Variants in NDUFS1 observed in about 807,000 individuals in gnomAD.
NDUFS1 encodes the protein NADH:ubiquinone oxidoreductase core subunit S1, also known as NADH-ubiquinone oxidoreductase 75 kDa subunit, mitochondrial.
A neutral mutation model predicts 84.4 loss-of-function variants in NDUFS1; 61 were observed. The observed-to-expected ratio is 0.72, with a 90% CI of 0.59 to 0.89. The LOEUF (loss-of-function observed/expected upper bound fraction) is 0.89, where lower values mean the gene tolerates loss of function less well. NDUFS1 is among the 40% of genes least tolerant of loss of function. The pLI, the probability that NDUFS1 is intolerant of heterozygous loss-of-function variation, is 0.00. For missense variants in NDUFS1, 891 were observed against 890.0 expected, an observed-to-expected ratio of 1.00 and a Z score of -0.01; for synonymous variants, 275 against 290.0, an observed-to-expected ratio of 0.95 and a Z score of 0.53.
At chr2:206,130,483 T>G (rs13417836) in intron 14 of NDUFS1, among the ~76,000 whole-genome samples, 3 of 152,200 alleles carry the variant, frequency 2.0e-5, no homozygotes, top group Non-Finnish European at 2.9e-5. Context: ...GCCTCCCAAG[T>G]AGCTGGGACT....
At chr2:206,131,018 C>G (rs545920631) in intron 14 of NDUFS1, among the ~76,000 whole-genome samples, 3 of 152,076 alleles carry the variant, frequency 2.0e-5, no homozygotes, top group African/African-American at 7.2e-5. Flanking sequence ...ATATATATTA[C>G]TCTTATAAGC....
Position 206,153,660 on chromosome 2 carries a change from T to C in NDUFS1, c.19A>G (p.Arg7Gly). MLRIPV[R>G]KALVGLSKSP... ...TTAGAAAGGCCTACTAAGGCCTTTC[T>C]TACAGGTATCCTTAACATATTGCTA... Residue 7 changes from arginine to glycine, a missense_variant, in exon 2 of 19, where the codon AGA (arginine) becomes GGA (glycine). By Grantham distance (125) the Arg-to-Gly change is moderately radical (BLOSUM62 -2). Transcript: ENST00000233190. The C allele has an allele frequency of 6.5e-7, 1 of 1,537,958 alleles. No individual in the cohort carries two copies. The highest frequency in any genetic ancestry group is 9.0e-7 in the Non-Finnish European group (1 of 1,115,344).
In NDUFS1 at chr2:206,115,018, A is replaced by T. The variant is rs1016330944; in HGVS notation, c.*9167T>A. The T allele has an allele frequency of 6.6e-6, 1 of 152,150 alleles. No homozygotes were observed. Among genetic ancestry groups the T allele is most frequent in the Non-Finnish European group, 1.5e-5 (1 of 68,018 alleles). 9.4% of individuals were successfully genotyped at this position (152,150 alleles called of 1,614,324 possible). ...TTTCATTTTATGATTATACAAAAAA[A>T]TTTTTCAGCAGTTCCCTATTGATGG... is the stretch of plus-strand genomic sequence containing the variant. On this transcript the variant is annotated 3_prime_UTR_variant, in exon 19 of 19. Transcript: ENST00000233190.
chr2:206,119,148 T>C lies in NDUFS1; in HGVS notation c.*5037A>G, dbSNP rs970448405. The C allele has an allele frequency of 2.6e-5, 4 of 152,324 alleles. No homozygotes were observed. The highest frequency in any genetic ancestry group is 9.6e-5 in the African/African-American group (4 of 41,572). The allele number at this position is 152,324 out of a possible 1,614,324, so 9.4% of individuals were successfully genotyped here. ...AATAAGCTGGAGATTATTTTAGGCA[T>C]GGCTTTCCCTCATAGTCTATGAAAT... On this transcript the variant is annotated 3_prime_UTR_variant, in exon 19 of 19. Coordinates refer to ENST00000233190, the MANE Select transcript of NDUFS1 (RefSeq NM_005006.7).
intron 15 of NDUFS1, 137 bp downstream of exon 15, chr2:206,129,949 TAA>T: frequency 3.4e-6 from 3 of 884,224 alleles, no homozygotes; most frequent in Non-Finnish European, 5.4e-6. Context: ...GTGGTTTGTT[TAA>T]AAAAAAAGGA....
intron 15 of NDUFS1, 106 bp from the exon 16 acceptor site, chr2:206,128,078 A>T: frequency 5.5e-6 from 7 of 1,277,120 alleles, no homozygotes; most frequent in Non-Finnish European, 7.8e-6. Context: ...GTAAAGTCAC[A>T]AAAGTTTTTA....
Position 206,140,943 on chromosome 2 carries a change from T to TATACACACACAC in NDUFS1, c.1262+997_1262+998insGTGTGTGTGTAT, listed in dbSNP as rs367723817. Among the ~76,000 whole-genome samples, 266 of 136,104 alleles carry TATACACACACAC rather than the reference T, an allele frequency of 2.0e-3. 3 individuals carry two copies. The highest frequency in any genetic ancestry group is 1.1e-3 in the East Asian group (5 of 4,750). The allele number at this position is 136,104 out of a possible 152,430, so 89.3% of individuals were successfully genotyped here. A position where few individuals can be genotyped will look rare whatever the true frequency, so the allele number is the denominator to read the frequency against. Reference sequence around the variant, plus strand: ...GTGTGTATATATATATATATATATATACACACACACTGAGAATCATAATAC... The same window carrying TATACACACACAC: ...GTGTGTATATATATATATATATATATATACACACACACACACACACACTGAGAATCATAATAC... On this transcript the variant is annotated intron_variant, in intron 12 of 18. Coordinates refer to ENST00000233190, the MANE Select transcript of NDUFS1 (RefSeq NM_005006.7).
chr2:206,127,757 C>G (rs1335167431), intron 16 of NDUFS1, 40 bp downstream of exon 16: 3 of 1,596,774 alleles, frequency 1.9e-6, no homozygotes, highest in Non-Finnish European at 2.6e-6. Context: ...ATCAAATATG[C>G]CTTTAGTAGC....
chr2:206,147,488 T>A lies in NDUFS1; in HGVS notation c.551+43A>T, dbSNP rs182482028. ...TTCATCAAATTGTGACTATTAAGTATACAATTATATTCTATAATAGAAAAA... is the reference window on the plus strand; with the variant it reads ...TTCATCAAATTGTGACTATTAAGTAAACAATTATATTCTATAATAGAAAAA... On this transcript the variant is annotated intron_variant, in intron 7 of 18. Coordinates refer to ENST00000233190, the MANE Select transcript of NDUFS1 (RefSeq NM_005006.7). The A allele has an allele frequency of 1.1e-5, 17 of 1,552,124 alleles. No homozygotes were observed. In the Admixed American group the frequency reaches 1.8e-4, roughly 16 times the overall value.
chr2:206,118,064 T>A lies in NDUFS1; in HGVS notation c.*6121A>T, dbSNP rs541616767. On this transcript the variant is annotated 3_prime_UTR_variant, in exon 19 of 19. Transcript: ENST00000233190. ...ATACATTGCCATTTTCAACATATGC[T>A]TTTAGTGAGTTATTTAAAAATATTA... is the stretch of plus-strand genomic sequence containing the variant. The A allele has an allele frequency of 6.6e-6, 1 of 152,334 alleles. No individual in the cohort carries two copies. The highest frequency in any genetic ancestry group is 1.9e-4 in the East Asian group (1 of 5,190). The allele number at this position is 152,334 out of a possible 1,614,324, so 9.4% of individuals were successfully genotyped here.
At chr2:206,134,535 C>T (rs1160648116) in intron 13 of NDUFS1, among the ~76,000 whole-genome samples, 1 of 151,310 alleles carries the variant, frequency 6.6e-6, no homozygotes, top group Admixed American at 6.6e-5. Context: ...TGAGCCAAGA[C>T]AGCACCATTG....
intron 18 of NDUFS1, among the ~76,000 whole-genome samples, chr2:206,124,841 A>G (rs1032123080): frequency 1.3e-5 from 2 of 152,144 alleles, no homozygotes; most frequent in African/African-American, 4.8e-5. Flanking sequence ...TCTTGTCTCA[A>G]AAAAATAAAT....
At chr2:206,140,480 A>C (rs1227344979) in intron 12 of NDUFS1, among the ~76,000 whole-genome samples, 1 of 151,276 alleles carries the variant, frequency 6.6e-6, no homozygotes, top group Non-Finnish European at 1.5e-5. Context: ...AACCAAAAAA[A>C]CTAAATTTCT....
At chr2:206,143,630 G>A (rs1323726713) in intron 10 of NDUFS1, among the ~76,000 whole-genome samples, 1 of 150,972 alleles carries the variant, frequency 6.6e-6, no homozygotes, top group Admixed American at 6.6e-5. Flanking sequence ...CACCCAGACT[G>A]GAGTGCAGTG....
chr2:206,153,775 C>T (rs1379182152), intron 1 of NDUFS1, 93 bp from the exon 2 acceptor site: 3 of 707,126 alleles, frequency 4.2e-6, no homozygotes, highest in East Asian at 2.8e-5. Context: ...ATTTCACATA[C>T]ATTATGTCAT....
intron 12 of NDUFS1, among the ~76,000 whole-genome samples, chr2:206,139,337 C>G (rs1380635817): frequency 4.0e-5 from 6 of 151,848 alleles, no homozygotes; most frequent in Non-Finnish European, 5.9e-5. Context: ...AGGCACCTGC[C>G]TCTACGCCCA....
Position 206,150,907 on chromosome 2 carries a change from G to GT in NDUFS1, c.154-983dup, listed in dbSNP as rs373076284. ...GTGGCTCTACTGAAACTTCTTTTGT[G>GT]TTTTTTTTTTCTCACTGTTAAAGCA... is the stretch of plus-strand genomic sequence containing the variant. On this transcript the variant is annotated intron_variant, in intron 3 of 18. Coordinates refer to ENST00000233190, the MANE Select transcript of NDUFS1 (RefSeq NM_005006.7). Among the ~76,000 whole-genome samples, 116 of 148,648 alleles carry GT rather than the reference G, an allele frequency of 7.8e-4. 2 individuals are homozygous for GT. Among genetic ancestry groups the GT allele is most frequent in the Middle Eastern group, 3.5e-3 (1 of 286 alleles).
In NDUFS1 at chr2:206,159,440, ACT is replaced by A. The variant is rs1197746375; in HGVS notation, c.-106_-105del. On this transcript the variant is annotated 5_prime_UTR_variant, in exon 1 of 19. Coordinates refer to ENST00000233190, the MANE Select transcript of NDUFS1 (RefSeq NM_005006.7). ...TTATTCAATATGGCGGCCTCGGCTA[ACT>A]CTGTCAGCCGGGCCTGGAGAACGGA... 2.3e-6 allele frequency: 1 copy of A among 435,270 alleles called. No individual in the cohort carries two copies. 27.0% of individuals were successfully genotyped at this position (435,270 alleles called of 1,614,324 possible).
intron 13 of NDUFS1, among the ~76,000 whole-genome samples, chr2:206,134,216 T>C (rs1691621627): frequency 6.6e-6 from 1 of 152,190 alleles, no homozygotes; most frequent in African/African-American, 2.4e-5. Context: ...TAACACACTC[T>C]TTCTCACTTA....
Sources: gnomAD v4.1 joint callset for allele counts (sites outside exome capture counted in the v4.1 genomes callset) on GRCh38, gnomAD v4.1.1 for gene constraint, MANE v1.5 for transcripts, NCBI Gene and HGNC (gene_info 2026-07-23, HGNC 2026-07-21) for gene names.